ARHGEF33: variants seen among roughly 807,000 people sequenced by gnomAD.
ARHGEF33 encodes DH and coiled-coil domain-containing protein ENSP00000381780.
In ARHGEF33, 72 loss-of-function variants were observed where a neutral mutation model predicts 101.9. The ratio of observed to expected loss-of-function variants is 0.71; its 90% confidence interval spans 0.58 to 0.86. The LOEUF (loss-of-function observed/expected upper bound fraction) is 0.86. ARHGEF33 is among the 40% of genes least tolerant of loss of function. The pLI is 0.00. For missense variants in ARHGEF33, 1,169 were observed against 1,111.3 expected (o/e 1.05, Z -0.74); for synonymous variants, 499 against 442.5 (o/e 1.13, Z -1.60).
At chr2:38,901,534 AG>A (rs1167846585) in intron 2 of ARHGEF33, among the ~76,000 whole-genome samples, 1 of 152,208 alleles carries the variant, frequency 6.6e-6, no homozygotes, top group African/African-American at 2.4e-5. Context: ...CTATCCTGGA[AG>A]ACCTTTACAT....
intron 4 of ARHGEF33, among the ~76,000 whole-genome samples, chr2:38,928,235 A>G (rs1666916588): frequency 6.6e-6 from 1 of 152,186 alleles, no homozygotes; most frequent in Non-Finnish European, 1.5e-5. Flanking sequence ...GACCTGCATG[A>G]CCAGGACTGA....
chr2:38,897,161 G>T (rs541666567), intron 2 of ARHGEF33, among the ~76,000 whole-genome samples: 15 of 152,172 alleles, frequency 9.9e-5, no homozygotes, highest in Middle Eastern at 6.8e-3. Context: ...TGGTCCGCCC[G>T]CCTCGGCCTC....
chr2:38,931,152 C>T lies in ARHGEF33; in HGVS notation c.406C>T (p.Gln136Ter), dbSNP rs1252423142. Residue 136 changes from glutamine to a stop codon, truncating the protein, a stop_gained, in exon 7 of 18, where the codon CAA (glutamine) becomes TAA (stop). Coordinates refer to ENST00000409978, the MANE Select transcript of ARHGEF33 (RefSeq NM_001145451.5). LOFTEE classifies it high-confidence loss of function. ...EEHSSQAGPA[Q>*]AQGSPFRSIN... is the part of the protein sequence containing the mutation. Reference sequence around the variant, plus strand: ...GCACAGCTCACAGGCCGGGCCTGCCCAAGCACAAGGAAGTCCTTTTCGTTC... The same window carrying T: ...GCACAGCTCACAGGCCGGGCCTGCCTAAGCACAAGGAAGTCCTTTTCGTTC... The T allele has an allele frequency of 6.4e-7, 1 of 1,551,460 alleles. No individual in the cohort carries two copies. Among genetic ancestry groups the T allele is most frequent in the Non-Finnish European group, 8.7e-7 (1 of 1,146,920 alleles).
At chr2:38,960,904 A>G (rs368488997) in intron 16 of ARHGEF33, among the ~76,000 whole-genome samples, 57 of 152,338 alleles carry the variant, frequency 3.7e-4, no homozygotes, top group African/African-American at 1.2e-3. Context: ...AGCTTGCCTC[A>G]TATGGTACAC....
Position 38,960,514 on chromosome 2 carries a change from C to A in ARHGEF33, c.2209C>A (p.Pro737Thr). The change falls in exon 16 of 18, where the codon CCC becomes ACC. Residue 737 changes from proline (P) to threonine (T), a missense_variant. Physicochemically the swap from Pro to Thr is conservative, Grantham distance 38. Coordinates refer to ENST00000409978, the MANE Select transcript of ARHGEF33 (RefSeq NM_001145451.5). ...STRSSSGGRA[P>T]IKAERAAQAH... The stretch of plus-strand genomic sequence containing the variant: ...GCGCAGCAGCAGCGGCGGCCGCGCG[C>A]CCATCAAGGCCGAGCGCGCCGCGCA... 1 of 1,266,784 alleles carries A rather than the reference C, an allele frequency of 7.9e-7. No homozygotes were observed. Among genetic ancestry groups the A allele is most frequent in the Non-Finnish European group, 1.0e-6 (1 of 1,001,992 alleles). The allele number at this position is 1,266,784 out of a possible 1,614,324, so 78.5% of individuals were successfully genotyped here. A position where few individuals can be genotyped will look rare whatever the true frequency, so the allele number is the denominator to read the frequency against.
chr2:38,963,397 C>G (rs1667988939), intron 16 of ARHGEF33, among the ~76,000 whole-genome samples: 1 of 152,148 alleles, frequency 6.6e-6, no homozygotes, highest in Non-Finnish European at 1.5e-5. Context: ...AGATGGTATG[C>G]TCTAGTGAGA....
chr2:38,937,478 G>C lies in ARHGEF33; in HGVS notation c.709G>C (p.Asp237His). The change falls in exon 9 of 18, where the codon GAC (aspartate) becomes CAC (histidine). Residue 237 changes from aspartate (D) to histidine (H), a missense_variant. Coordinates refer to ENST00000409978, the MANE Select transcript of ARHGEF33 (RefSeq NM_001145451.5). ...KEWGEEYVTK[D>H]HPDKLKEAGQ... ...ATGGGGTGAAGAATACGTCACAAAAGACCACCCAGATAAACTCAAGGAGGC... is the reference window on the plus strand; with the variant it reads ...ATGGGGTGAAGAATACGTCACAAAACACCACCCAGATAAACTCAAGGAGGC... 2 of 1,551,112 alleles carry C rather than the reference G, an allele frequency of 1.3e-6. No homozygotes were observed. The highest frequency in any genetic ancestry group is 1.7e-6 in the Non-Finnish European group (2 of 1,146,698).
chr2:38,946,207 T>G (rs565404265), intron 10 of ARHGEF33, among the ~76,000 whole-genome samples: 100 of 152,262 alleles, frequency 6.6e-4, no homozygotes, highest in African/African-American at 2.4e-3. Flanking sequence ...TGCAGAAGAT[T>G]TGGGTAGATA....
In ARHGEF33 at chr2:38,931,168, C is replaced by T; in HGVS notation, c.422C>T (p.Pro141Leu). The T allele has an allele frequency of 6.4e-7, 1 of 1,551,616 alleles. No homozygotes were observed. Among genetic ancestry groups the T allele is most frequent in the Non-Finnish European group, 8.7e-7 (1 of 1,146,910 alleles). The change falls in exon 7 of 18, where the codon CCT (proline) becomes CTT (leucine). Residue 141 changes from proline to leucine, a missense_variant. Coordinates refer to ENST00000409978, the MANE Select transcript of ARHGEF33 (RefSeq NM_001145451.5). The stretch of plus-strand genomic sequence containing the variant: ...GGGCCTGCCCAAGCACAAGGAAGTC[C>T]TTTTCGTTCTATCAATATCCCTGAG... Reference protein sequence around the residue: ...QAGPAQAQGSPFRSINIPEPV... With the variant: ...QAGPAQAQGSLFRSINIPEPV...
At chr2:38,904,069 T>G (rs1666333050) in intron 2 of ARHGEF33, among the ~76,000 whole-genome samples, 1 of 152,238 alleles carries the variant, frequency 6.6e-6, no homozygotes, top group African/African-American at 2.4e-5. Context: ...AAAATGAGAT[T>G]ATTTACATAA....
In ARHGEF33 at chr2:38,956,906, T is replaced by C; in HGVS notation, c.1229T>C (p.Leu410Pro). 6.4e-7 allele frequency: 1 copy of C among 1,552,384 alleles called. No individual in the cohort carries two copies. The highest frequency in any genetic ancestry group is 8.7e-7 in the Non-Finnish European group (1 of 1,147,138). ...PEYLIHLQNV[L>P]KFTEQEHPDY... ...CTTTTCCCCTCCATCCAGAACGTCC[T>C]GAAGTTCACAGAGCAGGAGCACCCT... The change falls in exon 14 of 18, where the codon CTG becomes CCG. Residue 410 changes from leucine to proline, a missense_variant. By Grantham distance (98) the Leu-to-Pro change is moderately conservative. Transcript: ENST00000409978.
chr2:38,926,419 G>C (rs1406583505), intron 4 of ARHGEF33, among the ~76,000 whole-genome samples: 2 of 152,298 alleles, frequency 1.3e-5, no homozygotes, highest in Non-Finnish European at 2.9e-5. Flanking sequence ...CCGCTCTGTA[G>C]GGGCTAAAGA....
intron 11 of ARHGEF33, among the ~76,000 whole-genome samples, chr2:38,951,713 A>G (rs13430379): frequency 0.074 from 11,234 of 151,868 alleles, 1,238 homozygotes; most frequent in African/African-American, 0.24. Flanking sequence ...AAATATATAT[A>G]TACACACATG....
At chr2:38,929,868 T>G in intron 6 of ARHGEF33, 38 bp downstream of exon 6, 1 of 1,543,274 alleles carries the variant, frequency 6.5e-7, no homozygotes, top group African/African-American at 1.4e-5. Flanking sequence ...GGCAAACCCA[T>G]AAGCAATGGC....
chr2:38,940,619 C>G (rs1345741606), intron 9 of ARHGEF33, among the ~76,000 whole-genome samples: 3 of 151,980 alleles, frequency 2.0e-5, no homozygotes, highest in African/African-American at 7.3e-5. Context: ...TTGGTTTACT[C>G]CTGGTTTTGG....
At chr2:38,942,635 A>G (rs189917244) in intron 9 of ARHGEF33, among the ~76,000 whole-genome samples, 199 of 152,100 alleles carry the variant, frequency 1.3e-3, no homozygotes, top group African/African-American at 4.6e-3. Flanking sequence ...TATGTTTCTT[A>G]TATTTCTTTG....
At chr2:38,935,707 G>C in intron 7 of ARHGEF33, 68 bp from the exon 8 acceptor site, 2 of 1,310,668 alleles carry the variant, frequency 1.5e-6, no homozygotes, top group African/African-American at 1.5e-5. Context: ...CCAGTGCCAG[G>C]CTCGTGGAAG....
intron 2 of ARHGEF33, among the ~76,000 whole-genome samples, chr2:38,912,587 T>C (rs1246295858): frequency 6.6e-6 from 1 of 152,204 alleles, no homozygotes; most frequent in Non-Finnish European, 1.5e-5. Context: ...ACTCTGTTCC[T>C]TTTTATATCC....
intron 17 of ARHGEF33, among the ~76,000 whole-genome samples, chr2:38,967,822 C>T (rs1276105737): frequency 2.6e-5 from 4 of 151,128 alleles, no homozygotes; most frequent in African/African-American, 9.8e-5. Context: ...TCAAGTGATC[C>T]ATCTGCCTCG....
Sources: allele counts gnomAD v4.1 joint callset (sites outside exome capture counted in the v4.1 genomes callset), GRCh38; gene constraint gnomAD v4.1.1; transcripts MANE v1.5; gene names NCBI Gene and HGNC (gene_info 2026-07-23, HGNC 2026-07-21).